NEDD4L: variants seen among roughly 807,000 people sequenced by gnomAD.
NEDD4L encodes NEDD4 like E3 ubiquitin protein ligase, also known as E3 ubiquitin-protein ligase NEDD4-like.
A neutral mutation model predicts 148.9 loss-of-function variants in NEDD4L; 54 were observed. The observed-to-expected ratio is 0.36, with a 90% CI of 0.29 to 0.45. NEDD4L has a LOEUF of 0.45. Ranked by LOEUF, NEDD4L falls within the 20% of genes least tolerant of loss-of-function variation. The pLI, the probability that NEDD4L is intolerant of heterozygous loss-of-function variation, is 1.00. For synonymous variants in NEDD4L, 433 were observed against 440.7 expected (o/e 0.98, Z 0.22); for missense variants, 856 against 1,233.8 (o/e 0.69, Z 4.59).
chr18:58,295,130 A>G (rs2055369797), intron 5 of NEDD4L, among the ~76,000 whole-genome samples: 1 of 152,180 alleles, frequency 6.6e-6, no homozygotes, highest in Admixed American at 6.5e-5. Flanking sequence ...CCTAAAGTCC[A>G]TAGTTTACAC....
chr18:58,160,997 C>A (rs1007614548), intron 1 of NEDD4L, among the ~76,000 whole-genome samples: 1 of 152,018 alleles, frequency 6.6e-6, no homozygotes, highest in African/African-American at 2.4e-5. Flanking sequence ...AAAAATAACT[C>A]ATAGGGTTGT....
chr18:58,062,687 A>G (rs1217624194), intron 1 of NEDD4L, among the ~76,000 whole-genome samples: 1 of 152,174 alleles, frequency 6.6e-6, no homozygotes, highest in East Asian at 1.9e-4. Context: ...GAAAATTTTG[A>G]CAAAGAAATT....
chr18:58,370,109 A>G (rs1165607515), intron 22 of NEDD4L, among the ~76,000 whole-genome samples: 1 of 151,564 alleles, frequency 6.6e-6, no homozygotes, highest in Non-Finnish European at 1.5e-5. Flanking sequence ...CCCAATTCCT[A>G]CGCCTGATTT....
At chr18:58,180,288 A>G (rs1568338937) in intron 2 of NEDD4L, among the ~76,000 whole-genome samples, 1 of 152,006 alleles carries the variant, frequency 6.6e-6, no homozygotes, top group Non-Finnish European at 1.5e-5. Context: ...TTCTCAGGCC[A>G]GTGCTGCTGA....
chr18:58,383,176 A>G, intron 24 of NEDD4L, 70 bp from the exon 25 acceptor site: 1 of 809,202 alleles, frequency 1.2e-6, no homozygotes, highest in South Asian at 1.5e-5. Flanking sequence ...ATAGTAAGAC[A>G]TTGTCACTCA....
chr18:58,288,857 A>G (rs905488926), intron 5 of NEDD4L, among the ~76,000 whole-genome samples: 4 of 152,260 alleles, frequency 2.6e-5, no homozygotes, highest in East Asian at 1.9e-4. Context: ...GTTAGTAAAT[A>G]TCACGACAAG....
rs75698061 is a variant in NEDD4L at position 58,271,075 on chromosome 18, A to G, written c.297+19021A>G. Among the ~76,000 whole-genome samples, 764 of 151,364 alleles carry G rather than the reference A, an allele frequency of 5.0e-3. 10 individuals carry two copies. Among genetic ancestry groups the G allele is most frequent in the African/African-American group, 0.017 (712 of 41,108 alleles). On this transcript the variant is annotated intron_variant, in intron 5 of 30. Transcript: ENST00000400345. ...AGTGCTCGGCACATATTAATGCTTA[A>G]TAAATATTAGCTCTTATTATTATTG...
intron 2 of NEDD4L, among the ~76,000 whole-genome samples, chr18:58,221,095 C>A (rs1346233220): frequency 6.6e-6 from 1 of 152,006 alleles, no homozygotes; most frequent in African/African-American, 2.4e-5. Flanking sequence ...TGTTTTTTTC[C>A]CCTCTTCAAG....
chr18:58,337,666 A>C (rs998192963), intron 13 of NEDD4L, among the ~76,000 whole-genome samples: 2 of 152,122 alleles, frequency 1.3e-5, no homozygotes, highest in Non-Finnish European at 2.9e-5. Context: ...GTTAATAATT[A>C]CATAATATTC....
intron 1 of NEDD4L, among the ~76,000 whole-genome samples, chr18:58,061,615 A>C (rs934942173): frequency 1.3e-5 from 2 of 152,150 alleles, no homozygotes; most frequent in Non-Finnish European, 2.9e-5. Context: ...AGTTCAAAGA[A>C]ACCTCCTTTA....
intron 18 of NEDD4L, among the ~76,000 whole-genome samples, chr18:58,354,735 G>A (rs144029047): frequency 6.6e-6 from 1 of 152,296 alleles, no homozygotes; most frequent in East Asian, 1.9e-4. Flanking sequence ...AAGTAGCAGG[G>A]GATATTTCAG....
chr18:58,258,456 A>G (rs2053119222), intron 5 of NEDD4L, among the ~76,000 whole-genome samples: 1 of 152,242 alleles, frequency 6.6e-6, no homozygotes, highest in Non-Finnish European at 1.5e-5. Context: ...GATTCATACA[A>G]TTAAACTCAA....
chr18:58,223,868 T>C, intron 2 of NEDD4L, among the ~76,000 whole-genome samples: 1 of 152,190 alleles, frequency 6.6e-6, no homozygotes, highest in Non-Finnish European at 1.5e-5. Context: ...TGGCCCAGAA[T>C]TCCCCAAGGG....
At chr18:58,127,840 CA>C (rs113559692) in intron 1 of NEDD4L, among the ~76,000 whole-genome samples, 62 of 114,140 alleles carry the variant, frequency 5.4e-4, no homozygotes, top group African/African-American at 9.0e-4. Context: ...GACTCCGTCT[CA>C]AAAAAAAAAA....
intron 1 of NEDD4L, among the ~76,000 whole-genome samples, chr18:58,123,993 G>A (rs1054846840): frequency 1.3e-5 from 2 of 152,100 alleles, no homozygotes; most frequent in Non-Finnish European, 2.9e-5. Context: ...GCCTTATGAC[G>A]TTTCTCTTTA....
intron 1 of NEDD4L, among the ~76,000 whole-genome samples, chr18:58,064,426 C>T (rs1018929260): frequency 5.3e-5 from 8 of 152,136 alleles, no homozygotes; most frequent in African/African-American, 7.2e-5. Flanking sequence ...TTTAATGTGA[C>T]AGGTGATGCT....
chr18:58,214,410 C>T (rs1468407045), intron 2 of NEDD4L, among the ~76,000 whole-genome samples: 1 of 152,280 alleles, frequency 6.6e-6, no homozygotes, highest in South Asian at 2.1e-4. Context: ...TAGAAATGTA[C>T]ACTCAGAGGG....
chr18:58,192,540 A>G (rs1338101782), intron 2 of NEDD4L, among the ~76,000 whole-genome samples: 1 of 152,224 alleles, frequency 6.6e-6, no homozygotes, highest in African/African-American at 2.4e-5. Context: ...TTAGTGATTC[A>G]CGTTAGCCTT....
chr18:58,286,617 TGTAAGA>T (rs2053943146), intron 5 of NEDD4L, among the ~76,000 whole-genome samples: 1 of 152,124 alleles, frequency 6.6e-6, no homozygotes, highest in African/African-American at 2.4e-5. Context: ...TTTCAGAATG[TGTAAGA>T]GTAAGTCTGT....
Sources: allele counts gnomAD v4.1 joint callset (sites outside exome capture counted in the v4.1 genomes callset), GRCh38; gene constraint gnomAD v4.1.1; transcripts MANE v1.5; gene names NCBI Gene and HGNC (gene_info 2026-07-23, HGNC 2026-07-21).